NTNG2: variants seen among roughly 807,000 people sequenced by gnomAD.
NTNG2 encodes the protein netrin-G2.
Under a neutral mutation model 47.6 loss-of-function variants are expected in NTNG2, and 15 were observed. The observed-to-expected ratio is 0.32, with a 90% CI of 0.21 to 0.49. NTNG2 has a LOEUF of 0.49. NTNG2 is among the 20% of genes least tolerant of loss of function. NTNG2 has a pLI of 0.99. For synonymous variants in NTNG2, 307 were observed against 324.6 expected (o/e 0.95, Z 0.58); for missense variants, 578 against 764.6 (o/e 0.76, Z 2.88).
intron 2 of NTNG2, among the ~76,000 whole-genome samples, chr9:132,170,196 C>G (rs1345930145): frequency 6.6e-6 from 1 of 152,250 alleles, no homozygotes; most frequent in Admixed American, 6.5e-5. Flanking sequence ...CTCTCTTTCC[C>G]AGGCTTCCTG....
intron 2 of NTNG2, among the ~76,000 whole-genome samples, chr9:132,190,232 C>CAAAAAA (rs58974463): frequency 1.7e-4 from 12 of 69,910 alleles, no homozygotes; most frequent in South Asian, 5.1e-4. Context: ...GACTCCATCT[C>CAAAAAA]AAAAAAAAAA....
intron 7 of NTNG2, 84 bp downstream of exon 7, chr9:132,241,128 C>A (rs1841953217): frequency 1.7e-6 from 2 of 1,191,400 alleles, no homozygotes; most frequent in South Asian, 3.1e-5. Context: ...CCTAGTGGGA[C>A]GGGGCAGGGG....
Position 132,197,929 on chromosome 9 carries a change from C to T in NTNG2, c.214-37C>T, listed in dbSNP as rs1015318690. On this transcript the variant is annotated intron_variant, in intron 2 of 7. Transcript: ENST00000393229. The surrounding 1 kb of genome is among the most constrained non-coding windows in gnomAD (Gnocchi z 4.3). ...GGCTTCCCAGGCCATCCCGAGCATC[C>T]AGCACCCACCCTTCCCTTCTCCTCT... 9 of 1,576,608 alleles carry T rather than the reference C, an allele frequency of 5.7e-6. No individual in the cohort carries two copies. Among genetic ancestry groups the T allele is most frequent in the Non-Finnish European group, 7.8e-6 (9 of 1,160,640 alleles).
intron 2 of NTNG2, among the ~76,000 whole-genome samples, chr9:132,167,853 C>G (rs1835610380): frequency 6.6e-6 from 1 of 152,180 alleles, no homozygotes; most frequent in Non-Finnish European, 1.5e-5. Context: ...AGGAGTCCTC[C>G]CCTCAGCTAG....
chr9:132,242,425 G>A lies in NTNG2; in HGVS notation c.*314G>A, dbSNP rs1364328852. 1 of 151,120 alleles carries A rather than the reference G, an allele frequency of 6.6e-6. No homozygotes were observed. The highest frequency in any genetic ancestry group is 1.5e-5 in the Non-Finnish European group (1 of 68,534). The allele number at this position is 151,120 out of a possible 1,614,324, so 9.4% of individuals were successfully genotyped here. ...TTTTTTTCTGGCGGTGAGCCAGAGG[G>A]TCGGGAGAAACGCTGCTCGCCCCAC... On this transcript the variant is annotated 3_prime_UTR_variant, in exon 8 of 8. Transcript: ENST00000393229. The surrounding 1 kb of genome is among the most constrained non-coding windows in gnomAD (Gnocchi z 5.9).
chr9:132,213,467 C>T (rs1383060202), intron 3 of NTNG2, among the ~76,000 whole-genome samples: 2 of 152,178 alleles, frequency 1.3e-5, no homozygotes, highest in African/African-American at 4.8e-5. Flanking sequence ...AACCTCTTGG[C>T]CATGTAAGCC....
chr9:132,197,854 A>T lies in NTNG2; in HGVS notation c.214-112A>T. ...CTGGGCACCGGAGCACAGGCCCTGTAGCCACAGAGCAGGTTTCTCGGTTCG... is the reference window on the plus strand; with the variant it reads ...CTGGGCACCGGAGCACAGGCCCTGTTGCCACAGAGCAGGTTTCTCGGTTCG... On this transcript the variant is annotated intron_variant, in intron 2 of 7. Transcript: ENST00000393229. This position sits in a 1 kb window ranked among gnomAD's most constrained non-coding sequence, Gnocchi z 4.3. The T allele has an allele frequency of 1.0e-6, 1 of 986,598 alleles. No homozygotes were observed. The highest frequency in any genetic ancestry group is 1.5e-6 in the Non-Finnish European group (1 of 680,226). 61.1% of individuals were successfully genotyped at this position (986,598 alleles called of 1,614,324 possible).
At chr9:132,175,477 G>A (rs944640201) in intron 2 of NTNG2, among the ~76,000 whole-genome samples, 1 of 152,182 alleles carries the variant, frequency 6.6e-6, no homozygotes, top group South Asian at 2.1e-4. Flanking sequence ...GCCCCTGACC[G>A]GGGCTGACCT....
At chr9:132,194,479 C>G (rs1206480418) in intron 2 of NTNG2, among the ~76,000 whole-genome samples, 1 of 152,230 alleles carries the variant, frequency 6.6e-6, no homozygotes, top group East Asian at 1.9e-4. Flanking sequence ...CAGAGTCACC[C>G]GGCCAGTGAG....
In NTNG2 at chr9:132,204,493, GC is replaced by G. The variant is rs1366712126; in HGVS notation, c.857+5886del. Among the ~76,000 whole-genome samples the G allele has an allele frequency of 2.0e-5, 3 of 152,114 alleles. No homozygotes were observed. In the East Asian group the frequency reaches 5.8e-4, roughly 29 times the overall value. ...GGGAGTGCAGAGACAGGCGATTTCA[GC>G]CACCCTATTCCTGTACCCACCCTCC... On this transcript the variant is annotated intron_variant, in intron 3 of 7. Transcript: ENST00000393229.
At chr9:132,176,964 T>G (rs1163536018) in intron 2 of NTNG2, among the ~76,000 whole-genome samples, 11 of 152,222 alleles carry the variant, frequency 7.2e-5, no homozygotes, top group Non-Finnish European at 1.2e-4. Flanking sequence ...GTCAGTGTGC[T>G]TCTTAGTCAT....
intron 2 of NTNG2, among the ~76,000 whole-genome samples, chr9:132,172,874 C>T (rs917399843): frequency 6.6e-6 from 1 of 152,030 alleles, no homozygotes; most frequent in Non-Finnish European, 1.5e-5. Flanking sequence ...GGACTACAGG[C>T]ACCTGCCACC....
intron 2 of NTNG2, among the ~76,000 whole-genome samples, chr9:132,189,992 G>A (rs1312658190): frequency 6.8e-6 from 1 of 148,130 alleles, no homozygotes; most frequent in Non-Finnish European, 1.5e-5. Context: ...CCAGCACTTT[G>A]GGAGGCCGAG....
At chr9:132,204,244 C>T (rs115390325) in intron 3 of NTNG2, among the ~76,000 whole-genome samples, 147 of 152,336 alleles carry the variant, frequency 9.6e-4, no homozygotes, top group African/African-American at 3.4e-3. Context: ...CCTGCAGACC[C>T]AGCTTCCCCA....
chr9:132,185,648 C>T (rs1342826462), intron 2 of NTNG2, among the ~76,000 whole-genome samples: 6 of 152,146 alleles, frequency 3.9e-5, no homozygotes, highest in Non-Finnish European at 7.3e-5. Context: ...TTCCCCCGCC[C>T]GCCCCCTTAT....
chr9:132,187,428 A>G (rs1356690783), intron 2 of NTNG2, among the ~76,000 whole-genome samples: 1 of 152,192 alleles, frequency 6.6e-6, no homozygotes, highest in Non-Finnish European at 1.5e-5. Flanking sequence ...GGGCCTGTGC[A>G]CGAAGAGAAT....
In NTNG2 at chr9:132,166,471, C is replaced by T. The variant is rs565258510; in HGVS notation, c.-361C>T. The T allele has an allele frequency of 8.7e-5, 27 of 311,740 alleles. No homozygotes were observed. Among genetic ancestry groups the T allele is most frequent in the South Asian group, 4.5e-4 (13 of 28,670 alleles). 19.3% of individuals were successfully genotyped at this position (311,740 alleles called of 1,614,324 possible). A position where few individuals can be genotyped will look rare whatever the true frequency, so the allele number is the denominator to read the frequency against. On this transcript the variant is annotated 5_prime_UTR_variant, in exon 2 of 8. Coordinates refer to ENST00000393229, the MANE Select transcript of NTNG2 (RefSeq NM_032536.4). ...GATCCAGCCTCATGCAGGATCCCTGCGGATTTTCTCCTTATCCCATTTCCA... is the reference window on the plus strand; with the variant it reads ...GATCCAGCCTCATGCAGGATCCCTGTGGATTTTCTCCTTATCCCATTTCCA...
rs913692117 is a variant in NTNG2, at chr9:132,215,414, C to CTACTAAAA, written c.858-11425_858-11418dup. Among the ~76,000 whole-genome samples the CTACTAAAA allele has an allele frequency of 1.3e-5, 2 of 152,066 alleles. No individual in the cohort carries two copies. The highest frequency in any genetic ancestry group is 4.8e-5 in the African/African-American group (2 of 41,388). ...TGGCCAACGTGGTGAAACCCCATCTCTACTAAAATACTAAAATTAGCCGGG... is the reference window on the plus strand; with the variant it reads ...TGGCCAACGTGGTGAAACCCCATCTCTACTAAAATACTAAAATACTAAAATTAGCCGGG... On this transcript the variant is annotated intron_variant, in intron 3 of 7. Coordinates refer to ENST00000393229, the MANE Select transcript of NTNG2 (RefSeq NM_032536.4). The surrounding 1 kb of genome is among the most constrained non-coding windows in gnomAD (Gnocchi z 4.2).
intron 3 of NTNG2, among the ~76,000 whole-genome samples, chr9:132,199,702 T>C (rs890119946): frequency 2.0e-5 from 3 of 147,630 alleles, no homozygotes; most frequent in Non-Finnish European, 2.9e-5. Flanking sequence ...CAGGCAAACA[T>C]GGACACTCTT....
Sources: gnomAD v4.1 joint callset for allele counts (sites outside exome capture counted in the v4.1 genomes callset) on GRCh38, gnomAD v4.1.1 for gene constraint, Gnocchi (gnomAD v3.1) non-coding constraint, MANE v1.5 for transcripts, NCBI Gene and HGNC (gene_info 2026-07-23, HGNC 2026-07-21) for gene names.